CERT1: variants seen among roughly 807,000 people sequenced by gnomAD.
CERT1 encodes the protein ceramide transporter 1, also known as ceramide transfer protein.
Under a neutral mutation model 87.9 loss-of-function variants are expected in CERT1, and 31 were observed. The observed-to-expected ratio is 0.35, with a 90% CI of 0.27 to 0.48. The LOEUF (loss-of-function observed/expected upper bound fraction) is 0.48, where lower values mean the gene tolerates loss of function less well. CERT1 is among the 20% of genes least tolerant of loss of function. The pLI is 0.99. For synonymous variants in CERT1, 289 were observed against 250.9 expected, an observed-to-expected ratio of 1.15 and a Z score of -1.44; for missense variants, 487 against 758.0, an observed-to-expected ratio of 0.64 and a Z score of 4.20.
intron 11 of CERT1, among the ~76,000 whole-genome samples, chr5:75,393,603 A>G (rs1219048278): frequency 1.9e-5 from 1 of 53,342 alleles, no homozygotes; most frequent in Non-Finnish European, 3.2e-5. Context: ...TCATCTACTT[A>G]AAAAAAAAAA....
intron 13 of CERT1, among the ~76,000 whole-genome samples, chr5:75,385,131 G>C (rs1181660711): frequency 6.6e-6 from 1 of 152,160 alleles, no homozygotes; most frequent in African/African-American, 2.4e-5. Context: ...ATGATGTTGA[G>C]AAGTATCTAT....
rs374155904 is a variant in CERT1, at chr5:75,402,645, A to G, written c.1017+327T>C. ...AACCCCGTCTCTACTAAAAACACAA[A>G]AAAATTTAGTCAGGCACGGTGGCGC... On this transcript the variant is annotated intron_variant, in intron 9 of 16. Transcript: ENST00000643780. 2.9e-5 allele frequency: 5 copies of G among 174,834 alleles called. No individual in the cohort carries two copies. In the South Asian group the frequency reaches 6.2e-4, roughly 22 times the overall value. The allele number at this position is 174,834 out of a possible 1,614,324, so 10.8% of individuals were successfully genotyped here. A position where few individuals can be genotyped will look rare whatever the true frequency, so the allele number is the denominator to read the frequency against.
At chr5:75,488,324 T>C (rs973196050) in intron 2 of CERT1, among the ~76,000 whole-genome samples, 5 of 152,050 alleles carry the variant, frequency 3.3e-5, no homozygotes, top group Non-Finnish European at 7.4e-5. Context: ...ATACCTACTA[T>C]GTACTCATAA....
intron 3 of CERT1, among the ~76,000 whole-genome samples, chr5:75,451,658 A>G (rs928323832): frequency 6.6e-6 from 1 of 152,204 alleles, no homozygotes; most frequent in African/African-American, 2.4e-5. Flanking sequence ...GTTAAAATCC[A>G]ATATTGATTT....
Position 75,426,419 on chromosome 5 carries a change from C to G in CERT1, c.408G>C (p.Leu136=). The part of the protein sequence containing the change: ...SLRRHGSMVS[L]VSGASGYSAT... The stretch of plus-strand genomic sequence containing the variant: ...CAGAGTAGCCACTTGCTCCAGACAC[C>G]AGGGACACCATTGAGCCATGTCGAC... Residue 136 remains leucine, a synonymous_variant, in exon 4 of 17, where the codon CTG becomes CTC. Coordinates refer to ENST00000643780, the MANE Select transcript of CERT1 (RefSeq NM_001379029.1). The G allele has an allele frequency of 6.2e-7, 1 of 1,613,666 alleles. No individual in the cohort carries two copies. The highest frequency in any genetic ancestry group is 1.3e-5 in the African/African-American group (1 of 74,914).
In CERT1 at chr5:75,386,030, T is replaced by C; in HGVS notation, c.1289A>G (p.Tyr430Cys). Residue 430 changes from tyrosine to cysteine, a missense_variant, in exon 13 of 17, where the codon TAC (tyrosine) becomes TGC (cysteine). This residue lies in a region of CERT1 where 147 missense variants were observed against 200.8 expected (regional missense o/e 0.73). Transcript: ENST00000643780. ...CCCATTTTCTTCTACTTCTCTTCTG[T>C]ATACCTAAAGAGAACATAATTCCAA... ...LVVEEGEMKV[Y>C]RREVEENGIV... The C allele has an allele frequency of 3.2e-6, 5 of 1,541,760 alleles. No individual in the cohort carries two copies. The highest frequency in any genetic ancestry group is 4.4e-6 in the Non-Finnish European group (5 of 1,147,234).
chr5:75,464,666 C>A (rs1002145973), intron 2 of CERT1, among the ~76,000 whole-genome samples: 6 of 152,130 alleles, frequency 3.9e-5, no homozygotes, highest in Non-Finnish European at 8.8e-5. Context: ...ACCTCTGCCT[C>A]CTGGGCTCAC....
chr5:75,457,036 C>A (rs1264747699), intron 3 of CERT1, among the ~76,000 whole-genome samples: 1 of 152,170 alleles, frequency 6.6e-6, no homozygotes, highest in African/African-American at 2.4e-5. Flanking sequence ...TAAAGGTCAT[C>A]TCCATTAAAA....
At chr5:75,384,062 T>C (rs1761691209) in intron 14 of CERT1, among the ~76,000 whole-genome samples, 1 of 152,224 alleles carries the variant, frequency 6.6e-6, no homozygotes, top group South Asian at 2.1e-4. Flanking sequence ...CTTTTATATC[T>C]ATTAGTCTTA....
chr5:75,412,822 T>C (rs2023701467), intron 7 of CERT1, among the ~76,000 whole-genome samples: 1 of 152,200 alleles, frequency 6.6e-6, no homozygotes, highest in Non-Finnish European at 1.5e-5. Flanking sequence ...GAGTAGTCAA[T>C]GAATGTGAAG....
intron 3 of CERT1, among the ~76,000 whole-genome samples, chr5:75,432,057 CTTTT>C (rs578175246): frequency 7.0e-6 from 1 of 143,320 alleles, no homozygotes; most frequent in African/African-American, 2.6e-5. Context: ...TTCCCCCCCC[CTTTT>C]TTTTTTTTGA....
At chr5:75,417,185 T>C (rs1442194197) in intron 6 of CERT1, 152 bp from the exon 7 acceptor site, 1 of 608,746 alleles carries the variant, frequency 1.6e-6, no homozygotes, top group Admixed American at 3.3e-5. Flanking sequence ...AAATCTCCTA[T>C]CCAAGCTCTA....
At chr5:75,426,679 A>G (rs1763633185) in intron 3 of CERT1, among the ~76,000 whole-genome samples, 1 of 152,200 alleles carries the variant, frequency 6.6e-6, no homozygotes, top group East Asian at 1.9e-4. Context: ...AATACCTACT[A>G]TGTGCTGGGC....
chr5:75,426,700 A>G (rs577360711), intron 3 of CERT1, among the ~76,000 whole-genome samples: 2 of 152,336 alleles, frequency 1.3e-5, no homozygotes, highest in Middle Eastern at 3.4e-3. Context: ...TAGTGGTCAC[A>G]AAGACTGTTT....
At chr5:75,411,695 A>AAAAAG (rs1235965153) in intron 7 of CERT1, among the ~76,000 whole-genome samples, 1 of 152,190 alleles carries the variant, frequency 6.6e-6, no homozygotes, top group Non-Finnish European at 1.5e-5. Flanking sequence ...ATGTATACTT[A>AAAAAG]AAAAGAAAAG....
downstream of CERT1, chr5:75,376,439 T>C (rs1761319699): frequency 6.6e-6 from 1 of 151,906 alleles, no homozygotes; most frequent in African/African-American, 2.4e-5. Flanking sequence ...TTGGATAGAG[T>C]GAAACAGCAC....
At chr5:75,455,824 A>C (rs1463941251) in intron 3 of CERT1, among the ~76,000 whole-genome samples, 1 of 152,198 alleles carries the variant, frequency 6.6e-6, no homozygotes. Flanking sequence ...CAGAAATCAC[A>C]AACTAAAAGA....
rs1291081688 is a variant in CERT1, at chr5:75,382,810, A to AT, written c.1489-734dup. 5.3e-5 allele frequency among the ~76,000 whole-genome samples: 8 copies of AT among 152,122 alleles called. No individual in the cohort carries two copies. In the South Asian group the frequency reaches 1.5e-3, roughly 28 times the overall value. ...AATCATTTGCAAGATGAAATGATTCATTTTTTAAAGATACAAAATTTCATG... is the reference window on the plus strand; with the variant it reads ...AATCATTTGCAAGATGAAATGATTCATTTTTTTAAAGATACAAAATTTCATG... On this transcript the variant is annotated intron_variant, in intron 14 of 16. Transcript: ENST00000643780.
At chr5:75,507,849 C>T (rs1241023001) in intron 1 of CERT1, among the ~76,000 whole-genome samples, 3 of 152,102 alleles carry the variant, frequency 2.0e-5, no homozygotes, top group Non-Finnish European at 4.4e-5. Context: ...CCTAAGTGTT[C>T]CTTCTCAATA....
Sources: allele counts gnomAD v4.1 joint callset (sites outside exome capture counted in the v4.1 genomes callset), GRCh38; gene constraint gnomAD v4.1.1; regional missense constraint gnomAD v4.1.1; transcripts MANE v1.5; gene names NCBI Gene and HGNC (gene_info 2026-07-23, HGNC 2026-07-21).